EXTL3: variants seen among roughly 807,000 people sequenced by gnomAD.
The protein encoded by EXTL3 is exostosin like glycosyltransferase 3.
A neutral mutation model predicts 69.3 loss-of-function variants in EXTL3; 27 were observed. The ratio of observed to expected loss-of-function variants is 0.39; its 90% CI spans 0.29 to 0.54. EXTL3 has a LOEUF of 0.54. Among genes scored for constraint, EXTL3 ranks in the 20% least tolerant of loss-of-function variants. The pLI is 0.69. For synonymous variants in EXTL3, 511 were observed against 499.4 expected (o/e 1.02, Z -0.31); for missense variants, 1,003 against 1,231.8 (o/e 0.81, Z 2.78).
chr8:28,746,739 A>G (rs984480814), intron 6 of EXTL3, among the ~76,000 whole-genome samples: 14 of 152,054 alleles, frequency 9.2e-5, no homozygotes, highest in Non-Finnish European at 1.6e-4. Flanking sequence ...GCAGTGGTGC[A>G]ATCTCGGCTC....
Position 28,654,233 on chromosome 8 carries a change from T to C in EXTL3, c.-53+31423T>C, listed in dbSNP as rs78201422. ...GCAGTATTTATTTTTAATACCAGAA[T>C]TGGTTTCCCCAGTCATGGTTTTTGA... On this transcript the variant is annotated intron_variant, in intron 1 of 6. Coordinates refer to the EXTL3 transcript ENST00000523149. Among the ~76,000 whole-genome samples the C allele has an allele frequency of 3.2e-4, 48 of 152,332 alleles. No individual in the cohort carries two copies. The South Asian group carries it at 5.0e-3, about 16-fold the overall frequency.
intron 1 of EXTL3, among the ~76,000 whole-genome samples, chr8:28,669,610 A>G (rs1381114648): frequency 6.6e-6 from 1 of 152,212 alleles, no homozygotes; most frequent in African/African-American, 2.4e-5. Flanking sequence ...AGTAGCTCAC[A>G]TAGAAGCTCA....
intron 1 of EXTL3, among the ~76,000 whole-genome samples, chr8:28,693,654 T>C (rs1216370700): frequency 2.6e-5 from 4 of 152,224 alleles, no homozygotes; most frequent in Admixed American, 6.5e-5. Context: ...GCCACCCAAA[T>C]GGCCCCACCT....
chr8:28,720,718 A>G (rs1275484801), intron 3 of EXTL3, among the ~76,000 whole-genome samples: 3 of 152,170 alleles, frequency 2.0e-5, no homozygotes, highest in South Asian at 2.1e-4. Flanking sequence ...AAGTGCCACC[A>G]GTTGAAGTGG....
intron 1 of EXTL3, among the ~76,000 whole-genome samples, chr8:28,659,440 A>T (rs1807068540): frequency 6.6e-6 from 1 of 152,194 alleles, no homozygotes; most frequent in Non-Finnish European, 1.5e-5. Context: ...TGACAAGAGG[A>T]TTCTCACGCC....
At chr8:28,643,565 C>T (rs1025319127) in intron 1 of EXTL3, among the ~76,000 whole-genome samples, 2 of 151,886 alleles carry the variant, frequency 1.3e-5, no homozygotes, top group African/African-American at 2.4e-5. Flanking sequence ...CAGGCGCCCG[C>T]TACCACACCC....
At chr8:28,676,630 C>A (rs1485254885) in intron 1 of EXTL3, among the ~76,000 whole-genome samples, 1 of 152,178 alleles carries the variant, frequency 6.6e-6, no homozygotes, top group Non-Finnish European at 1.5e-5. Context: ...TATGTTAAAA[C>A]ACACAAATAA....
At chr8:28,670,494 G>A (rs553924736) in intron 1 of EXTL3, among the ~76,000 whole-genome samples, 1 of 152,118 alleles carries the variant, frequency 6.6e-6, no homozygotes, top group African/African-American at 2.4e-5. Context: ...ATTCTAGTTC[G>A]AAAACCAGCA....
intron 6 of EXTL3, among the ~76,000 whole-genome samples, chr8:28,744,457 T>C (rs1801842714): frequency 6.6e-6 from 1 of 151,786 alleles, no homozygotes; most frequent in African/African-American, 2.4e-5. Flanking sequence ...CAGGAGTTCG[T>C]GAGCAGCCTG....
intron 1 of EXTL3, among the ~76,000 whole-genome samples, chr8:28,658,542 G>A (rs536638878): frequency 1.4e-4 from 21 of 151,060 alleles, no homozygotes; most frequent in African/African-American, 4.4e-4. Flanking sequence ...CCCTGCCCCC[G>A]CACTTATCTT....
chr8:28,669,030 AT>A, intron 1 of EXTL3, among the ~76,000 whole-genome samples: 1 of 151,620 alleles, frequency 6.6e-6, no homozygotes, highest in Non-Finnish European at 1.5e-5. Context: ...TGCCCAGCTA[AT>A]TTTTGTATTT....
chr8:28,636,528 GTCTGTAACTTTGATC>G (rs1364310220), intron 1 of EXTL3, among the ~76,000 whole-genome samples: 2 of 152,020 alleles, frequency 1.3e-5, no homozygotes, highest in African/African-American at 4.8e-5. Context: ...GAGAATTGTT[GTCTGTAACTTTGATC>G]TCAACTGGGT....
At position 28,623,980 on chromosome 8, in the gene EXTL3, C is replaced by T. The variant is rs537275880; in HGVS notation, c.-53+1170C>T. On this transcript the variant is annotated intron_variant, in intron 1 of 6. Transcript: ENST00000523149. The surrounding 1 kb of genome is among the most constrained non-coding windows in gnomAD (Gnocchi z 4.2). ...AAATGCTAGCAATGAACTCACATTC[C>T]TTTTTTGCTAGACAGTCATACCTGT... is the stretch of plus-strand genomic sequence containing the variant. Among the ~76,000 whole-genome samples, 1 of 152,076 alleles carries T rather than the reference C, an allele frequency of 6.6e-6. No individual in the cohort carries two copies. The highest frequency in any genetic ancestry group is 2.4e-5 in the African/African-American group (1 of 41,398).
At chr8:28,719,759 C>T (rs547611400) in intron 3 of EXTL3, among the ~76,000 whole-genome samples, 1 of 152,244 alleles carries the variant, frequency 6.6e-6, no homozygotes, top group East Asian at 1.9e-4. Flanking sequence ...AGATGCTCCT[C>T]AAATAGTAGA....
chr8:28,645,440 A>G (rs1053998609), intron 1 of EXTL3, among the ~76,000 whole-genome samples: 4 of 152,232 alleles, frequency 2.6e-5, no homozygotes, highest in African/African-American at 9.6e-5. Context: ...TAAAAATAAT[A>G]TATATACTGA....
At chr8:28,626,228 A>C (rs960823329) in intron 1 of EXTL3, among the ~76,000 whole-genome samples, 6 of 152,070 alleles carry the variant, frequency 3.9e-5, no homozygotes, top group Admixed American at 2.0e-4. Context: ...TAAAGTACCA[A>C]AATATGAGGC....
intron 1 of EXTL3, among the ~76,000 whole-genome samples, chr8:28,640,058 C>A (rs930686259): frequency 6.6e-6 from 1 of 152,178 alleles, no homozygotes; most frequent in Non-Finnish European, 1.5e-5. Flanking sequence ...TGAGATTATA[C>A]CACTGCACTC....
At chr8:28,733,306 TG>T (rs1442508595) in intron 4 of EXTL3, among the ~76,000 whole-genome samples, 1 of 152,138 alleles carries the variant, frequency 6.6e-6, no homozygotes, top group African/African-American at 2.4e-5. Flanking sequence ...CGTCAATGCT[TG>T]TTATTTTCCA....
chr8:28,660,969 A>G (rs187908242), intron 1 of EXTL3, among the ~76,000 whole-genome samples: 53 of 141,490 alleles, frequency 3.7e-4, no homozygotes, highest in Non-Finnish European at 6.9e-4. Flanking sequence ...GCTGGAGTGC[A>G]GTGGCGCGAT....
Sources: allele counts gnomAD v4.1 joint callset (sites outside exome capture counted in the v4.1 genomes callset), GRCh38; gene constraint gnomAD v4.1.1; non-coding constraint Gnocchi (gnomAD v3.1); transcripts MANE v1.5; gene names NCBI Gene and HGNC (gene_info 2026-07-23, HGNC 2026-07-21).